Variants in NRG3 observed in about 807,000 individuals in gnomAD.
NRG3 encodes neuregulin 3.
Under a neutral mutation model 66.9 loss-of-function variants are expected in NRG3, and 31 were observed. The ratio of observed to expected loss-of-function variants is 0.46; its 90% confidence interval spans 0.35 to 0.63. NRG3 has a LOEUF of 0.63. NRG3 is among the 20% of genes least tolerant of loss of function. NRG3 has a pLI of 0.00. For synonymous variants in NRG3, 393 were observed against 359.4 expected (o/e 1.09, Z -1.06); for missense variants, 910 against 878.9 (o/e 1.04, Z -0.45).
intron 2 of NRG3, among the ~76,000 whole-genome samples, chr10:82,479,168 T>G (rs1842025395): frequency 6.6e-6 from 1 of 152,196 alleles, no homozygotes; most frequent in African/African-American, 2.4e-5. Context: ...TTTTCAATAC[T>G]GGTGCTGGCA....
chr10:81,991,891 A>AT (rs1337263244), intron 1 of NRG3, among the ~76,000 whole-genome samples: 2 of 152,098 alleles, frequency 1.3e-5, no homozygotes, highest in Non-Finnish European at 2.9e-5. Flanking sequence ...AGAACCAATA[A>AT]TTTCCATAAT....
intron 2 of NRG3, among the ~76,000 whole-genome samples, chr10:82,408,297 C>T (rs961321847): frequency 1.3e-5 from 2 of 152,062 alleles, no homozygotes; most frequent in African/African-American, 2.4e-5. Flanking sequence ...TAATCAAATA[C>T]TGTGGTCAAG....
intron 1 of NRG3, among the ~76,000 whole-genome samples, chr10:81,940,398 G>A (rs1156583431): frequency 6.6e-6 from 1 of 152,014 alleles, no homozygotes; most frequent in African/African-American, 2.4e-5. Context: ...CCAGGCTGGG[G>A]TACAATACAT....
intron 2 of NRG3, among the ~76,000 whole-genome samples, chr10:82,664,191 T>G (rs1395115137): frequency 6.6e-6 from 1 of 152,224 alleles, no homozygotes; most frequent in East Asian, 1.9e-4. Flanking sequence ...CTGGGGCTGA[T>G]TCAAACTTGG....
At chr10:82,461,158 T>C (rs2091492606) in intron 2 of NRG3, among the ~76,000 whole-genome samples, 1 of 151,388 alleles carries the variant, frequency 6.6e-6, no homozygotes, top group South Asian at 2.1e-4. Context: ...TTATGATCAG[T>C]ATCACCACCA....
chr10:82,598,405 AG>A (rs1281960467), intron 2 of NRG3, among the ~76,000 whole-genome samples: 1 of 152,224 alleles, frequency 6.6e-6, no homozygotes, highest in Admixed American at 6.5e-5. Context: ...AAATGGGAGA[AG>A]GGCAATATGC....
intron 1 of NRG3, among the ~76,000 whole-genome samples, chr10:81,948,698 C>A (rs1849065860): frequency 6.6e-6 from 1 of 152,164 alleles, no homozygotes; most frequent in South Asian, 2.1e-4. Context: ...TCACTTTTAC[C>A]AGCTTCAGTT....
chr10:82,634,596 A>G (rs1590957307), intron 2 of NRG3, among the ~76,000 whole-genome samples: 2 of 152,226 alleles, frequency 1.3e-5, no homozygotes, highest in South Asian at 2.1e-4. Flanking sequence ...CCTCTCTAAT[A>G]TGTAAACATA....
intron 2 of NRG3, among the ~76,000 whole-genome samples, chr10:82,534,105 A>T (rs1410253306): frequency 6.6e-6 from 1 of 152,170 alleles, no homozygotes; most frequent in Non-Finnish European, 1.5e-5. Context: ...TATAAAAATC[A>T]TGAATTAAAC....
intron 1 of NRG3, among the ~76,000 whole-genome samples, chr10:82,159,367 C>T (rs1277421017): frequency 2.0e-5 from 3 of 151,804 alleles, no homozygotes; most frequent in Non-Finnish European, 4.4e-5. Context: ...CTTGCAGTTT[C>T]CTGAATATAT....
chr10:82,856,756 C>CCAAAAAAAAAAAAAAA (rs2063828656), intron 3 of NRG3, among the ~76,000 whole-genome samples: 1 of 107,478 alleles, frequency 9.3e-6, no homozygotes. Context: ...AAAAAAAAAA[C>CCAAAAAAAAAAAAAAA]AAAAAAAAAA....
At chr10:82,354,877 A>T (rs1483431062) in intron 1 of NRG3, among the ~76,000 whole-genome samples, 1 of 152,120 alleles carries the variant, frequency 6.6e-6, no homozygotes, top group Non-Finnish European at 1.5e-5. Flanking sequence ...AGCAGGGCCC[A>T]CTCTGAAATA....
At chr10:81,970,785 G>A (rs548140553) in intron 1 of NRG3, among the ~76,000 whole-genome samples, 2 of 152,250 alleles carry the variant, frequency 1.3e-5, no homozygotes, top group African/African-American at 2.4e-5. Context: ...TTTAGGTTTG[G>A]TGGGGCTCAA....
chr10:81,911,338 T>G (rs1235346145), intron 1 of NRG3, among the ~76,000 whole-genome samples: 1 of 152,172 alleles, frequency 6.6e-6, no homozygotes, highest in African/African-American at 2.4e-5. Context: ...GTGCAAAGCC[T>G]GCTATGGTGC....
intron 6 of NRG3, among the ~76,000 whole-genome samples, chr10:82,971,372 T>C (rs138603310): frequency 6.6e-6 from 1 of 152,082 alleles, no homozygotes; most frequent in East Asian, 1.9e-4. Context: ...CCACAATTCA[T>C]AGGTAATTAA....
At chr10:82,290,729 G>C (rs1446910948) in intron 1 of NRG3, among the ~76,000 whole-genome samples, 3 of 151,772 alleles carry the variant, frequency 2.0e-5, no homozygotes, top group Non-Finnish European at 4.4e-5. Flanking sequence ...CCGCCTCCTG[G>C]GTTCACACCA....
intron 2 of NRG3, among the ~76,000 whole-genome samples, chr10:82,592,912 G>A (rs1165767609): frequency 6.6e-6 from 1 of 152,202 alleles, no homozygotes; most frequent in Non-Finnish European, 1.5e-5. Context: ...CTTGGGTGAA[G>A]CAGCTTTGGC....
intron 1 of NRG3, among the ~76,000 whole-genome samples, chr10:82,259,978 A>G (rs558105060): frequency 6.6e-6 from 1 of 152,242 alleles, no homozygotes; most frequent in Admixed American, 6.5e-5. Flanking sequence ...ATAAATAGAT[A>G]AAAATAAATA....
intron 1 of NRG3, among the ~76,000 whole-genome samples, chr10:81,935,881 A>G (rs1847812930): frequency 1.1e-5 from 1 of 90,252 alleles, no homozygotes; most frequent in Non-Finnish European, 2.2e-5. Context: ...GCCTGAACAC[A>G]CACACACACA....
Sources: gnomAD v4.1 joint callset for allele counts (sites outside exome capture counted in the v4.1 genomes callset) on GRCh38, gnomAD v4.1.1 for gene constraint, MANE v1.5 for transcripts, NCBI Gene and HGNC (gene_info 2026-07-23, HGNC 2026-07-21) for gene names.